Variants in AVL9 observed in about 807,000 individuals in gnomAD.
AVL9 encodes AVL9 cell migration associated.
In AVL9, 49 loss-of-function variants were observed where a neutral mutation model predicts 79.2. The ratio of observed to expected loss-of-function variants is 0.62; its 90% CI spans 0.49 to 0.79. The LOEUF (loss-of-function observed/expected upper bound fraction) is 0.79, where lower values mean the gene tolerates loss of function less well. Among genes scored for constraint, AVL9 ranks in the 30% least tolerant of loss-of-function variants. AVL9 has a pLI of 0.00. For synonymous variants in AVL9, 299 were observed against 280.6 expected, an observed-to-expected ratio of 1.07 and a Z score of -0.65; for missense variants, 682 against 776.8, an observed-to-expected ratio of 0.88 and a Z score of 1.45.
chr7:32,508,758 T>TTA (rs1354856353), intron 1 of AVL9, among the ~76,000 whole-genome samples: 9 of 152,254 alleles, frequency 5.9e-5, no homozygotes, highest in Admixed American at 2.0e-4. Context: ...CACTGTTCTG[T>TTA]TATGCTACTT....
chr7:32,551,313 A>C, intron 4 of AVL9, 21 bp from the exon 5 acceptor site: 2 of 1,481,424 alleles, frequency 1.4e-6, no homozygotes, highest in Non-Finnish European at 1.9e-6. Context: ...ATCAATGGTA[A>C]TTTCTCTTTT....
chr7:32,552,626 T>C (rs1789882676), intron 6 of AVL9, among the ~76,000 whole-genome samples: 1 of 151,994 alleles, frequency 6.6e-6, no homozygotes, highest in African/African-American at 2.4e-5. Context: ...CACTGCAGCC[T>C]TGACCTCCTG....
chr7:32,497,455 G>A (rs1455475676), intron 1 of AVL9, among the ~76,000 whole-genome samples: 2 of 152,174 alleles, frequency 1.3e-5, no homozygotes, highest in East Asian at 3.9e-4. Flanking sequence ...TTTAATTAAA[G>A]TATGTAAGAT....
chr7:32,524,123 A>AG (rs1179675992), intron 1 of AVL9, among the ~76,000 whole-genome samples: 1 of 152,014 alleles, frequency 6.6e-6, no homozygotes, highest in African/African-American at 2.4e-5. Context: ...TGCTGGGATT[A>AG]CAGCAGTGAG....
chr7:32,573,448 C>T (rs756044868), intron 12 of AVL9, 30 bp downstream of exon 12: 3 of 1,556,320 alleles, frequency 1.9e-6, no homozygotes, highest in Non-Finnish European at 1.8e-6. Context: ...CTACAGCTAC[C>T]TGTTTTATTA....
chr7:32,524,667 C>T (rs1338026869), intron 1 of AVL9, among the ~76,000 whole-genome samples: 1 of 152,022 alleles, frequency 6.6e-6, no homozygotes, highest in East Asian at 1.9e-4. Flanking sequence ...TAATTGGACA[C>T]ACTAAATGGG....
chr7:32,538,926 A>G (rs1306735145), intron 1 of AVL9: 1 of 152,200 alleles, frequency 6.6e-6, no homozygotes, highest in African/African-American at 2.4e-5. Flanking sequence ...GGGTGCACCC[A>G]TTTCAATATA....
rs74966416 is a variant in AVL9, at chr7:32,544,252, C to T, written c.215-442C>T. Among the ~76,000 whole-genome samples the T allele has an allele frequency of 7.9e-5, 12 of 152,264 alleles. No homozygotes were observed. The East Asian group carries it at 1.9e-3, about 24-fold the overall frequency. On this transcript the variant is annotated intron_variant, in intron 2 of 15. Coordinates refer to ENST00000318709, the MANE Select transcript of AVL9 (RefSeq NM_015060.3). Reference sequence around the variant, plus strand: ...TGAGATCATTCCCCAGTGTAACTTCCAGTACCATTATCACAGCTAAGAGAT... The same window carrying T: ...TGAGATCATTCCCCAGTGTAACTTCTAGTACCATTATCACAGCTAAGAGAT...
chr7:32,529,052 G>C (rs771822266), intron 1 of AVL9, among the ~76,000 whole-genome samples: 1 of 152,186 alleles, frequency 6.6e-6, no homozygotes, highest in Non-Finnish European at 1.5e-5. Flanking sequence ...CATTGTGTTA[G>C]TTGTGTGCCC....
intron 1 of AVL9, among the ~76,000 whole-genome samples, chr7:32,511,610 G>A (rs1340231133): frequency 1.3e-5 from 2 of 152,038 alleles, no homozygotes; most frequent in Non-Finnish European, 2.9e-5. Flanking sequence ...CGAGCAGGGC[G>A]GTGGCATACG....
At chr7:32,522,047 G>A (rs945769685) in intron 1 of AVL9, among the ~76,000 whole-genome samples, 2 of 152,214 alleles carry the variant, frequency 1.3e-5, no homozygotes, top group African/African-American at 4.8e-5. Flanking sequence ...CAGATGTATG[G>A]AAATGTCTAG....
chr7:32,574,317 T>G (rs1790988568), intron 12 of AVL9, among the ~76,000 whole-genome samples: 1 of 151,914 alleles, frequency 6.6e-6, no homozygotes, highest in African/African-American at 2.4e-5. Context: ...TCGGGAGAGT[T>G]TTTCATTTGT....
Position 32,559,467 on chromosome 7 carries a change from A to G in AVL9, c.1215+3A>G. 6.6e-7 allele frequency: 1 copy of G among 1,522,316 alleles called. No homozygotes were observed. Among genetic ancestry groups the G allele is most frequent in the Non-Finnish European group, 8.8e-7 (1 of 1,137,688 alleles). 94.3% of individuals were successfully genotyped at this position (1,522,316 alleles called of 1,614,324 possible). On this transcript the variant is annotated splice_donor_region_variant and intron_variant, in intron 10 of 15. Transcript: ENST00000318709. ...TGCCCCTGGCCATCTTCACAAAGGT[A>G]AAGTGTAATATTTTTTATCGAATTC...
At chr7:32,569,420 T>C (rs1790724724) in intron 10 of AVL9, among the ~76,000 whole-genome samples, 2 of 152,348 alleles carry the variant, frequency 1.3e-5, no homozygotes, top group South Asian at 2.1e-4. Context: ...ACTGTAATTT[T>C]TGGAGCAATG....
At position 32,585,699 on chromosome 7, in the gene AVL9, A is replaced by G. The variant is rs1045857967; in HGVS notation, c.*1792A>G. On this transcript the variant is annotated 3_prime_UTR_variant, in exon 16 of 16. Transcript: ENST00000318709. ...CTAAATTTTCCACTTTGTGTTTTCTAAACACAAATTGTATTACTCATTTGA... is the reference window on the plus strand; with the variant it reads ...CTAAATTTTCCACTTTGTGTTTTCTGAACACAAATTGTATTACTCATTTGA... The G allele has an allele frequency of 3.3e-5, 5 of 152,208 alleles. No homozygotes were observed. The highest frequency in any genetic ancestry group is 7.4e-5 in the Non-Finnish European group (5 of 68,018). The allele number at this position is 152,208 out of a possible 1,614,324, so 9.4% of individuals were successfully genotyped here. A position where few individuals can be genotyped will look rare whatever the true frequency, so the allele number is the denominator to read the frequency against.
intron 12 of AVL9, among the ~76,000 whole-genome samples, chr7:32,575,214 T>G (rs943818774): frequency 1.3e-5 from 2 of 152,174 alleles, no homozygotes; most frequent in Non-Finnish European, 2.9e-5. Flanking sequence ...TTCTCTTACC[T>G]CAGCCTCCCG....
intron 1 of AVL9, among the ~76,000 whole-genome samples, chr7:32,503,488 G>A: frequency 6.8e-6 from 1 of 146,554 alleles, no homozygotes; most frequent in South Asian, 2.2e-4. Flanking sequence ...AACCTGGGAG[G>A]CAGAGGTTGC....
In AVL9 at chr7:32,559,191, A is replaced by G. The variant is rs749615565; in HGVS notation, c.942A>G (p.Gln314=). ...SKGQEPNDTN[Q]YLKPPSRPSP... ...GGCAGGAACCCAATGATACCAATCA[A>G]TATTTGAAACCTCCATCTCGCCCAT... Residue 314 remains glutamine (Q), a synonymous_variant, in exon 10 of 16, where the codon CAA becomes CAG. Transcript: ENST00000318709. 6.2e-7 allele frequency: 1 copy of G among 1,614,190 alleles called. No individual in the cohort carries two copies. Among genetic ancestry groups the G allele is most frequent in the Non-Finnish European group, 8.5e-7 (1 of 1,180,026 alleles).
Position 32,579,565 on chromosome 7 carries a change from T to TA in AVL9, c.1689-653dup, listed in dbSNP as rs1263652955. On this transcript the variant is annotated intron_variant, in intron 13 of 15. Coordinates refer to ENST00000318709, the MANE Select transcript of AVL9 (RefSeq NM_015060.3). Reference sequence around the variant, plus strand: ...ATATTATATATTATATATTATATTATATATTATATTATATATTATATATTA... The same window carrying TA: ...ATATTATATATTATATATTATATTATAATATTATATTATATATTATATATTA... Among the ~76,000 whole-genome samples, 20 of 9,404 alleles carry TA rather than the reference T, an allele frequency of 2.1e-3. 4 individuals are homozygous for TA. The highest frequency in any genetic ancestry group is 0.01 in the African/African-American group (20 of 1,994). The allele number at this position is 9,404 out of a possible 152,430, so 6.2% of individuals were successfully genotyped here.
Sources: allele counts gnomAD v4.1 joint callset (sites outside exome capture counted in the v4.1 genomes callset), GRCh38; gene constraint gnomAD v4.1.1; transcripts MANE v1.5; gene names NCBI Gene and HGNC (gene_info 2026-07-23, HGNC 2026-07-21).